ZMAT4: variants seen among roughly 807,000 people sequenced by gnomAD.
ZMAT4 encodes zinc finger matrin-type protein 4.
Under a neutral mutation model 28.7 loss-of-function variants are expected in ZMAT4, and 17 were observed. The observed-to-expected ratio is 0.59, with a 90% CI of 0.41 to 0.89. The LOEUF (loss-of-function observed/expected upper bound fraction) is 0.89. Ranked by LOEUF, ZMAT4 falls within the 40% of genes least tolerant of loss-of-function variation. The pLI is 0.00. For synonymous variants in ZMAT4, 117 were observed against 109.2 expected (o/e 1.07, Z -0.44); for missense variants, 240 against 283.8 (o/e 0.85, Z 1.11).
At chr8:40,667,669 T>C (rs887549008) in intron 5 of ZMAT4, among the ~76,000 whole-genome samples, 1 of 151,986 alleles carries the variant, frequency 6.6e-6, no homozygotes, top group Non-Finnish European at 1.5e-5. Flanking sequence ...CACCATGGGA[T>C]CTATACTAAG....
chr8:40,817,166 T>A (rs2150601895), intron 2 of ZMAT4, among the ~76,000 whole-genome samples: 1 of 152,322 alleles, frequency 6.6e-6, no homozygotes, highest in South Asian at 2.1e-4. Context: ...AGAGAATTGT[T>A]TTGTTACTGA....
At chr8:40,810,756 A>G (rs1815283270) in intron 2 of ZMAT4, among the ~76,000 whole-genome samples, 1 of 152,226 alleles carries the variant, frequency 6.6e-6, no homozygotes, top group Non-Finnish European at 1.5e-5. Context: ...ATGAGCAGAT[A>G]TAACAGGAAG....
At chr8:40,554,440 A>C (rs1803463946) in intron 6 of ZMAT4, among the ~76,000 whole-genome samples, 1 of 152,112 alleles carries the variant, frequency 6.6e-6, no homozygotes, top group African/African-American at 2.4e-5. Flanking sequence ...CACTGCGAAA[A>C]AACTAGATAT....
chr8:40,886,775 C>A (rs1818464428), intron 1 of ZMAT4, among the ~76,000 whole-genome samples: 1 of 152,116 alleles, frequency 6.6e-6, no homozygotes, highest in Non-Finnish European at 1.5e-5. Context: ...TGTCTCATAA[C>A]TTCTCCTTTC....
chr8:40,564,864 A>G (rs1168828330), intron 6 of ZMAT4, among the ~76,000 whole-genome samples: 1 of 152,208 alleles, frequency 6.6e-6, no homozygotes, highest in Non-Finnish European at 1.5e-5. Flanking sequence ...AAGACACAGG[A>G]ATAATCTTAC....
chr8:40,795,317 T>C (rs1467181514), intron 2 of ZMAT4, among the ~76,000 whole-genome samples: 1 of 152,230 alleles, frequency 6.6e-6, no homozygotes, highest in East Asian at 1.9e-4. Context: ...ACCTGACTCC[T>C]AAAGACACAA....
chr8:40,739,299 G>A (rs76347550), intron 3 of ZMAT4, among the ~76,000 whole-genome samples: 1,562 of 152,288 alleles, frequency 0.01, 28 homozygotes, highest in African/African-American at 0.036. Flanking sequence ...GACCCTTCTC[G>A]TAACTTTAAC....
chr8:40,682,706 A>T (rs1014258829), intron 4 of ZMAT4, among the ~76,000 whole-genome samples: 7 of 152,220 alleles, frequency 4.6e-5, no homozygotes, highest in Non-Finnish European at 8.8e-5. Flanking sequence ...TCAACCTTCT[A>T]AGTATAATCA....
chr8:40,816,736 T>C (rs1815556062), intron 2 of ZMAT4, among the ~76,000 whole-genome samples: 1 of 152,218 alleles, frequency 6.6e-6, no homozygotes, highest in Non-Finnish European at 1.5e-5. Flanking sequence ...CTTTGATATA[T>C]GTTATTTTGT....
intron 3 of ZMAT4, among the ~76,000 whole-genome samples, chr8:40,744,222 G>A (rs1812128439): frequency 6.6e-6 from 1 of 152,164 alleles, no homozygotes. Context: ...CTGCTTCACA[G>A]ATCATGACTA....
intron 6 of ZMAT4, among the ~76,000 whole-genome samples, chr8:40,551,216 A>C (rs917715402): frequency 7.9e-5 from 12 of 152,190 alleles, no homozygotes; most frequent in Admixed American, 7.9e-4. Context: ...TTAATGAATG[A>C]ATTAATGTTT....
At chr8:40,786,675 GCC>G in intron 2 of ZMAT4, 1 of 1,286,732 alleles carries the variant, frequency 7.8e-7, no homozygotes, top group Non-Finnish European at 1.0e-6. Flanking sequence ...CAGTCCTTGT[GCC>G]TCCCAACTTA....
intron 5 of ZMAT4, among the ~76,000 whole-genome samples, chr8:40,672,690 T>C (rs1050928179): frequency 6.6e-6 from 1 of 152,190 alleles, no homozygotes; most frequent in Non-Finnish European, 1.5e-5. Flanking sequence ...TCATAATAAC[T>C]GGCACCAAAC....
At chr8:40,642,434 T>A (rs1807076595) in intron 5 of ZMAT4, among the ~76,000 whole-genome samples, 1 of 152,208 alleles carries the variant, frequency 6.6e-6, no homozygotes, top group Admixed American at 6.5e-5. Context: ...ACACAGTCAA[T>A]GTGGCTATCA....
intron 2 of ZMAT4, among the ~76,000 whole-genome samples, chr8:40,809,620 C>G (rs946430577): frequency 1.3e-5 from 2 of 152,108 alleles, no homozygotes; most frequent in Non-Finnish European, 2.9e-5. Context: ...AATCACACAA[C>G]AATTATGTGT....
chr8:40,745,889 G>A (rs1037312846), intron 3 of ZMAT4, among the ~76,000 whole-genome samples: 1 of 152,108 alleles, frequency 6.6e-6, no homozygotes, highest in Non-Finnish European at 1.5e-5. Context: ...GTAATAAAAT[G>A]CACATGATTT....
intron 5 of ZMAT4, among the ~76,000 whole-genome samples, chr8:40,644,739 C>G (rs1349670920): frequency 3.3e-5 from 5 of 151,964 alleles, no homozygotes; most frequent in Non-Finnish European, 5.9e-5. Context: ...TAAGAGTGAC[C>G]AAGATGATCA....
intron 3 of ZMAT4, among the ~76,000 whole-genome samples, chr8:40,760,421 C>T (rs569993726): frequency 5.9e-5 from 9 of 152,322 alleles, no homozygotes; most frequent in Admixed American, 2.0e-4. Context: ...TACTGGCCAA[C>T]CCAGTCTCCA....
At chr8:40,836,976 A>C (rs1816516183) in intron 1 of ZMAT4, among the ~76,000 whole-genome samples, 1 of 152,262 alleles carries the variant, frequency 6.6e-6, no homozygotes, top group Non-Finnish European at 1.5e-5. Flanking sequence ...ATTGACAGAA[A>C]TATAGATACA....
Sources: allele counts gnomAD v4.1 joint callset (sites outside exome capture counted in the v4.1 genomes callset), GRCh38; gene constraint gnomAD v4.1.1; transcripts MANE v1.5; gene names NCBI Gene and HGNC (gene_info 2026-07-23, HGNC 2026-07-21).